FGD4: variants seen among roughly 807,000 people sequenced by gnomAD.
FGD4 encodes the protein FYVE, RhoGEF and PH domain-containing protein 4.
A neutral mutation model predicts 102.0 loss-of-function variants in FGD4; 42 were observed. That is an observed-to-expected ratio of 0.41 (90% CI 0.32 to 0.53). FGD4 has a LOEUF of 0.53. Among genes scored for constraint, FGD4 ranks in the 20% least tolerant of loss-of-function variants. The probability of loss-of-function intolerance (pLI) is 0.21; values close to 1 mark genes in which losing one functional copy is unlikely to be tolerated. For missense variants in FGD4, 902 were observed against 1,078.2 expected (o/e 0.84, Z 2.29); for synonymous variants, 380 against 375.7 (o/e 1.01, Z -0.13).
At chr12:32,484,836 C>T (rs1192625266) in intron 1 of FGD4, among the ~76,000 whole-genome samples, 1 of 152,122 alleles carries the variant, frequency 6.6e-6, no homozygotes, top group East Asian at 1.9e-4. Flanking sequence ...CACACCACTA[C>T]ACTCCAGCCA....
intron 1 of FGD4, among the ~76,000 whole-genome samples, chr12:32,539,065 A>G (rs1942569841): frequency 6.6e-6 from 1 of 152,138 alleles, no homozygotes; most frequent in Non-Finnish European, 1.5e-5. Flanking sequence ...ATAAATAAAA[A>G]GATAAAAATA....
chr12:32,418,646 G>A (rs745610175), intron 1 of FGD4, among the ~76,000 whole-genome samples: 23 of 152,268 alleles, frequency 1.5e-4, no homozygotes, highest in Middle Eastern at 3.4e-3. Context: ...AACTGGGACT[G>A]TACCGGTTCA....
chr12:32,473,527 G>A lies in FGD4; in HGVS notation c.166+73568G>A, dbSNP rs146876137. Among the ~76,000 whole-genome samples the A allele has an allele frequency of 7.8e-3, 1,189 of 151,518 alleles. 22 individuals carry two copies. The highest frequency in any genetic ancestry group is 0.026 in the African/African-American group (1,093 of 41,258). Reference sequence around the variant, plus strand: ...GAACCCACCAGAAGGAAGAAACTCCGAACACATCTGAACATCAGAAGGGAC... The same window carrying A: ...GAACCCACCAGAAGGAAGAAACTCCAAACACATCTGAACATCAGAAGGGAC... On this transcript the variant is annotated intron_variant, in intron 1 of 16. Transcript: ENST00000534526.
At chr12:32,631,493 G>A (rs1950495750) in intron 14 of FGD4, among the ~76,000 whole-genome samples, 2 of 149,048 alleles carry the variant, frequency 1.3e-5, no homozygotes, top group African/African-American at 4.9e-5. Context: ...ATTAAATTGA[G>A]AGCAAACAGC....
chr12:32,522,488 GAAA>G (rs1368283106), intron 1 of FGD4, among the ~76,000 whole-genome samples: 2 of 152,200 alleles, frequency 1.3e-5, no homozygotes, highest in Non-Finnish European at 2.9e-5. Flanking sequence ...AAAAAATAGA[GAAA>G]TGAAAGCCTT....
chr12:32,442,276 A>C (rs575393092), intron 1 of FGD4, among the ~76,000 whole-genome samples: 1 of 151,902 alleles, frequency 6.6e-6, no homozygotes, highest in Non-Finnish European at 1.5e-5. Context: ...GATGGTCTTG[A>C]TCTCCTGACC....
chr12:32,628,083 A>G (rs1276911488), intron 14 of FGD4, among the ~76,000 whole-genome samples: 2 of 152,212 alleles, frequency 1.3e-5, no homozygotes, highest in East Asian at 1.9e-4. Context: ...TAGACTGCAC[A>G]GCGCTGGCAG....
intron 1 of FGD4, among the ~76,000 whole-genome samples, chr12:32,491,151 C>CA (rs879482771): frequency 1.5e-5 from 2 of 129,428 alleles, no homozygotes; most frequent in Non-Finnish European, 3.2e-5. Flanking sequence ...AAAAAAAAAA[C>CA]AAAAAACTAT....
Position 32,462,125 on chromosome 12 carries a change from T to C in FGD4, c.166+62166T>C, listed in dbSNP as rs527470270. On this transcript the variant is annotated intron_variant, in intron 1 of 16. Transcript: ENST00000534526. ...GCAAGTAAACACTGTATATCTGTAATTGGAAAGTTGGTGGGAAGATTACTT... is the reference window on the plus strand; with the variant it reads ...GCAAGTAAACACTGTATATCTGTAACTGGAAAGTTGGTGGGAAGATTACTT... Among the ~76,000 whole-genome samples the C allele has an allele frequency of 2.0e-5, 3 of 152,322 alleles. 1 individual carries two copies. The highest frequency in any genetic ancestry group is 2.1e-4 in the South Asian group (1 of 4,830).
At chr12:32,542,507 C>T (rs1048384213) in intron 1 of FGD4, among the ~76,000 whole-genome samples, 1 of 152,068 alleles carries the variant, frequency 6.6e-6, no homozygotes, top group Non-Finnish European at 1.5e-5. Flanking sequence ...AAATATTAGG[C>T]AGTTTGATTT....
intron 1 of FGD4, among the ~76,000 whole-genome samples, chr12:32,472,561 C>A (rs898820449): frequency 2.6e-5 from 4 of 152,246 alleles, no homozygotes; most frequent in African/African-American, 9.6e-5. Flanking sequence ...GCCCGCCATG[C>A]CTGAGCCTCC....
At chr12:32,552,807 C>G (rs1195328176) in intron 1 of FGD4, among the ~76,000 whole-genome samples, 1 of 148,392 alleles carries the variant, frequency 6.7e-6, no homozygotes, top group African/African-American at 2.5e-5. Context: ...GACAGAGTTT[C>G]GCTCTTGTTG....
intron 1 of FGD4, among the ~76,000 whole-genome samples, chr12:32,552,759 A>G (rs928642207): frequency 6.6e-6 from 1 of 150,702 alleles, no homozygotes; most frequent in Non-Finnish European, 1.5e-5. Context: ...GCCAGCTCCA[A>G]TGCAAGAGTC....
intron 4 of FGD4, among the ~76,000 whole-genome samples, chr12:32,584,426 G>T (rs2291883): frequency 3.0e-4 from 46 of 152,042 alleles, no homozygotes; most frequent in African/African-American, 1.1e-3. Flanking sequence ...AAATGTCAAT[G>T]GTAATATAGT....
chr12:32,580,811 C>T (rs536101147), intron 3 of FGD4, among the ~76,000 whole-genome samples: 3 of 150,428 alleles, frequency 2.0e-5, no homozygotes, highest in Admixed American at 1.3e-4. Flanking sequence ...GGTGTGAACC[C>T]GGGAGGCGTA....
intron 1 of FGD4, among the ~76,000 whole-genome samples, chr12:32,438,010 G>C (rs1185635277): frequency 1.3e-5 from 2 of 152,140 alleles, no homozygotes; most frequent in Middle Eastern, 3.2e-3. Context: ...TTCTGCCTCA[G>C]CCTCCTGAGT....
chr12:32,399,646 G>A lies in FGD4; in HGVS notation c.-148G>A, dbSNP rs900457254. 3.5e-6 allele frequency: 5 copies of A among 1,416,194 alleles called. No individual in the cohort carries two copies. The African/African-American group carries it at 6.1e-5, about 17-fold the overall frequency. The allele number at this position is 1,416,194 out of a possible 1,614,324, so 87.7% of individuals were successfully genotyped here. On this transcript the variant is annotated 5_prime_UTR_variant, in exon 1 of 17. Coordinates refer to ENST00000534526, the MANE Select transcript of FGD4 (RefSeq NM_001370298.3). ...GAGGGAGCGTACCGGGAAGGAGAGGGAGAGGAGGCACTCGCTGAGGAGACG... is the reference window on the plus strand; with the variant it reads ...GAGGGAGCGTACCGGGAAGGAGAGGAAGAGGAGGCACTCGCTGAGGAGACG...
In FGD4 at chr12:32,593,297, G is replaced by C. The variant is rs1399872482; in HGVS notation, c.1012-5200G>C. Among the ~76,000 whole-genome samples the C allele has an allele frequency of 2.6e-5, 4 of 152,070 alleles. No homozygotes were observed. The East Asian group carries it at 7.7e-4, about 29-fold the overall frequency. ...TGGTATTATTATTGCTGTTTTAATT[G>C]ACCTAAAGCAAGGCACAATTAGTCC... is the stretch of plus-strand genomic sequence containing the variant. On this transcript the variant is annotated intron_variant, in intron 4 of 16. Coordinates refer to ENST00000534526, the MANE Select transcript of FGD4 (RefSeq NM_001370298.3).
At chr12:32,444,549 C>T (rs141429682) in intron 1 of FGD4, among the ~76,000 whole-genome samples, 6,330 of 152,086 alleles carry the variant, frequency 0.042, 465 homozygotes, top group African/African-American at 0.15. Flanking sequence ...GGATTACAGG[C>T]GCCCATCACC....
Sources: gnomAD v4.1 joint callset for allele counts (sites outside exome capture counted in the v4.1 genomes callset) on GRCh38, gnomAD v4.1.1 for gene constraint, MANE v1.5 for transcripts, NCBI Gene and HGNC (gene_info 2026-07-23, HGNC 2026-07-21) for gene names.